Variants in REL observed in about 807,000 individuals in gnomAD.
REL encodes proto-oncogene c-Rel.
Under a neutral mutation model 45.9 loss-of-function variants are expected in REL, and 15 were observed. That is an observed-to-expected ratio of 0.33 (90% CI 0.22 to 0.50). REL has a LOEUF of 0.50. Among genes scored for constraint, REL ranks in the 20% least tolerant of loss-of-function variants. REL has a pLI of 0.98. For missense variants in REL, 601 were observed against 715.2 expected (o/e 0.84, Z 1.82); for synonymous variants, 239 against 242.1 (o/e 0.99, Z 0.12).
intron 1 of REL, 106 bp from the exon 2 acceptor site, chr2:60,891,577 A>G: frequency 9.6e-7 from 1 of 1,039,494 alleles, no homozygotes; most frequent in Non-Finnish European, 1.3e-6. Flanking sequence ...TAGGAGGAAA[A>G]AAATCTTTGT....
chr2:60,882,680 A>T lies in REL; in HGVS notation c.10+830A>T, dbSNP rs1672974771. ...ACAGAGGGAGACCCTGTCTCTATTT[A>T]AAAAAAAAAAAAATGTAGTTTTTAC... On this transcript the variant is annotated intron_variant, in intron 1 of 9. Transcript: ENST00000394479. Among the ~76,000 whole-genome samples, 8 of 136,626 alleles carry T rather than the reference A, an allele frequency of 5.9e-5. No individual in the cohort carries two copies. In the South Asian group the frequency reaches 1.1e-3, roughly 19 times the overall value. 89.6% of individuals were successfully genotyped at this position (136,626 alleles called of 152,430 possible). A position where few individuals can be genotyped will look rare whatever the true frequency, so the allele number is the denominator to read the frequency against.
At chr2:60,908,132 G>C (rs1447354367) in intron 4 of REL, among the ~76,000 whole-genome samples, 1 of 151,992 alleles carries the variant, frequency 6.6e-6, no homozygotes, top group African/African-American at 2.4e-5. Flanking sequence ...TGAAAGTTTT[G>C]TGTTATCTGT....
In REL at chr2:60,929,171, A is replaced by G. The variant is rs1309811097; in HGVS notation, c.*6636A>G. On this transcript the variant is annotated 3_prime_UTR_variant, in exon 10 of 10. Transcript: ENST00000394479. Reference sequence around the variant, plus strand: ...GCAATCATTAAAAAGTCAGGAGACAACAGGTGCTGGAGAGGATGTGGAGAA... The same window carrying G: ...GCAATCATTAAAAAGTCAGGAGACAGCAGGTGCTGGAGAGGATGTGGAGAA... The G allele has an allele frequency of 1.3e-5, 2 of 151,262 alleles. No individual in the cohort carries two copies. Among genetic ancestry groups the G allele is most frequent in the Non-Finnish European group, 3.0e-5 (2 of 67,638 alleles). The allele number at this position is 151,262 out of a possible 1,614,324, so 9.4% of individuals were successfully genotyped here.
In REL at chr2:60,931,099, A is replaced by T. The variant is rs1025720221; in HGVS notation, c.*8564A>T. The T allele has an allele frequency of 2.0e-5, 3 of 152,366 alleles. No individual in the cohort carries two copies. The highest frequency in any genetic ancestry group is 7.2e-5 in the African/African-American group (3 of 41,464). 9.4% of individuals were successfully genotyped at this position (152,366 alleles called of 1,614,324 possible). A position where few individuals can be genotyped will look rare whatever the true frequency, so the allele number is the denominator to read the frequency against. On this transcript the variant is annotated 3_prime_UTR_variant, in exon 10 of 10. Transcript: ENST00000394479. Reference sequence around the variant, plus strand: ...ATAAGGTTGGAATATTTGAGGATCCATTTGTGGAACTGAATTTAATGAGAC... The same window carrying T: ...ATAAGGTTGGAATATTTGAGGATCCTTTTGTGGAACTGAATTTAATGAGAC...
rs1422808836 is a variant in REL, at chr2:60,931,028, A to T, written c.*8493A>T. The T allele has an allele frequency of 6.6e-6, 1 of 152,352 alleles. No individual in the cohort carries two copies. The highest frequency in any genetic ancestry group is 1.5e-5 in the Non-Finnish European group (1 of 68,026). The allele number at this position is 152,352 out of a possible 1,614,324, so 9.4% of individuals were successfully genotyped here. On this transcript the variant is annotated 3_prime_UTR_variant, in exon 10 of 10. Transcript: ENST00000394479. ...TTGCCCATTTTTCCTCTTAAACTTT[A>T]TTATCTAATCAAACATAGTTTTCCA...
rs901375133 is a variant in REL at position 60,922,696 on chromosome 2, A to G, written c.*161A>G. 27 of 1,289,982 alleles carry G rather than the reference A, an allele frequency of 2.1e-5. No individual in the cohort carries two copies. The highest frequency in any genetic ancestry group is 2.6e-5 in the Non-Finnish European group (27 of 1,021,190). The allele number at this position is 1,289,982 out of a possible 1,614,324, so 79.9% of individuals were successfully genotyped here. ...AGAATATAAAAAACTTTTTTCAGGG[A>G]AGAAGCATACAACTTTGGACATAGC... On this transcript the variant is annotated 3_prime_UTR_variant, in exon 10 of 10. Transcript: ENST00000394479.
In REL at chr2:60,922,421, C is replaced by T; in HGVS notation, c.1650C>T (p.Asn550=). The T allele has an allele frequency of 6.2e-7, 1 of 1,613,996 alleles. No individual in the cohort carries two copies. The highest frequency in any genetic ancestry group is 8.5e-7 in the Non-Finnish European group (1 of 1,179,968). The change falls in exon 10 of 10, where the codon AAC becomes AAT. Residue 550 remains asparagine (N), a synonymous_variant. Coordinates refer to ENST00000394479, the MANE Select transcript of REL (RefSeq NM_001291746.2). ...TGATAAATGAGTCGGGACCATCAAA[C>T]AGTACTAATCCAAACAGTCATGGTT... The part of the protein sequence containing the change: ...NSMINESGPS[N]STNPNSHGFV...
At position 60,907,163 on chromosome 2, in the gene REL, G is replaced by A. The variant is rs528409572; in HGVS notation, c.394+6080G>A. ...TTGAACTCCTGACCTCAGGTGATCCGCCCACCTTGGCCTCCCAGAGTACTG... is the reference window on the plus strand; with the variant it reads ...TTGAACTCCTGACCTCAGGTGATCCACCCACCTTGGCCTCCCAGAGTACTG... On this transcript the variant is annotated intron_variant, in intron 4 of 9. Coordinates refer to ENST00000394479, the MANE Select transcript of REL (RefSeq NM_001291746.2). Among the ~76,000 whole-genome samples, 96 of 151,448 alleles carry A rather than the reference G, an allele frequency of 6.3e-4. 1 individual carries two copies. Among genetic ancestry groups the A allele is most frequent in the South Asian group, 1.3e-3 (6 of 4,794 alleles).
At position 60,916,886 on chromosome 2, in the gene REL, A is replaced by G. The variant is rs752623338; in HGVS notation, c.404A>G (p.Lys135Arg). The G allele has an allele frequency of 1.2e-6, 2 of 1,612,146 alleles. No homozygotes were observed. Among genetic ancestry groups the G allele is most frequent in the South Asian group, 2.2e-5 (2 of 90,552 alleles). ...AGINPFNVPE[K>R]QLNDIEDCDL... ...TTTTTTTTCTATTCAGTCCCTGAAA[A>G]ACAGCTGAATGATATTGAAGATTGT... The change falls in exon 5 of 10, where the codon AAA becomes AGA. Residue 135 changes from lysine (K) to arginine (R), a missense_variant. Lys to Arg is a conservative substitution (Grantham distance 26, BLOSUM62 2). This residue lies in a region of REL where 241 missense variants were observed against 347.0 expected (regional missense o/e 0.69). Coordinates refer to ENST00000394479, the MANE Select transcript of REL (RefSeq NM_001291746.2).
chr2:60,899,178 A>C (rs1193713415), intron 3 of REL: 2 of 152,224 alleles, frequency 1.3e-5, no homozygotes, highest in Non-Finnish European at 1.5e-5. Flanking sequence ...GATTTCAAGA[A>C]AGGATTAAGA....
chr2:60,927,432 A>C lies in REL; in HGVS notation c.*4897A>C, dbSNP rs970278984. 4.3e-6 allele frequency: 1 copy of C among 231,034 alleles called. No individual in the cohort carries two copies. The highest frequency in any genetic ancestry group is 2.2e-5 in the African/African-American group (1 of 45,192). 14.3% of individuals were successfully genotyped at this position (231,034 alleles called of 1,614,324 possible). ...TTTGAGACTGAAAGCAGCTCTATTG[A>C]GAATAGTAGTGTCAACTGTATTATG... On this transcript the variant is annotated 3_prime_UTR_variant, in exon 10 of 10. Transcript: ENST00000394479.
intron 1 of REL, among the ~76,000 whole-genome samples, chr2:60,890,680 C>T (rs535852791): frequency 6.6e-6 from 1 of 152,194 alleles, no homozygotes; most frequent in African/African-American, 2.4e-5. Flanking sequence ...GCTTTATTGA[C>T]ATATAATTTA....
intron 2 of REL, among the ~76,000 whole-genome samples, chr2:60,893,237 C>T (rs1377132320): frequency 6.6e-6 from 1 of 152,124 alleles, no homozygotes; most frequent in Non-Finnish European, 1.5e-5. Flanking sequence ...TGTTTTATAA[C>T]TAGATTATTT....
At chr2:60,912,688 A>G (rs1044185012) in intron 4 of REL, among the ~76,000 whole-genome samples, 1 of 152,146 alleles carries the variant, frequency 6.6e-6, no homozygotes, top group African/African-American at 2.4e-5. Flanking sequence ...AAACTGTTCA[A>G]TACACAGTTT....
In REL at chr2:60,929,197, A is replaced by T. The variant is rs1397177339; in HGVS notation, c.*6662A>T. ...CAGGTGCTGGAGAGGATGTGGAGAA[A>T]TAGGAACACTTTTACACTGTTGGTG... On this transcript the variant is annotated 3_prime_UTR_variant, in exon 10 of 10. Coordinates refer to ENST00000394479, the MANE Select transcript of REL (RefSeq NM_001291746.2). The T allele has an allele frequency of 6.6e-6, 1 of 150,560 alleles. No homozygotes were observed. The highest frequency in any genetic ancestry group is 1.5e-5 in the Non-Finnish European group (1 of 67,446). 9.3% of individuals were successfully genotyped at this position (150,560 alleles called of 1,614,324 possible).
rs1255578788 is a variant in REL, at chr2:60,928,316, A to C, written c.*5781A>C. 6.6e-6 allele frequency: 1 copy of C among 152,556 alleles called. No homozygotes were observed. Among genetic ancestry groups the C allele is most frequent in the Non-Finnish European group, 1.5e-5 (1 of 68,290 alleles). 9.5% of individuals were successfully genotyped at this position (152,556 alleles called of 1,614,324 possible). On this transcript the variant is annotated 3_prime_UTR_variant, in exon 10 of 10. Transcript: ENST00000394479. ...AATGCCTTTCTTCACAGAATTGGAA[A>C]AAACTACTTTAAAGTTCATATGGAA...
chr2:60,922,020 A>G lies in REL; in HGVS notation c.1249A>G (p.Ile417Val), dbSNP rs1674155668. ...NSQGIPPFLRIPVGNDLNASN... is the reference protein window; with the variant it reads ...NSQGIPPFLRVPVGNDLNASN... ...GCAAGGTATCCCACCATTCCTGAGA[A>G]TACCTGTTGGGAATGATTTAAATGC... The change falls in exon 10 of 10, where the codon ATA (isoleucine) becomes GTA (valine). Residue 417 changes from isoleucine (I) to valine (V), a missense_variant. By Grantham distance (29) the Ile-to-Val change is conservative. Coordinates refer to ENST00000394479, the MANE Select transcript of REL (RefSeq NM_001291746.2). The G allele has an allele frequency of 6.2e-7, 1 of 1,614,200 alleles. No homozygotes were observed. Among genetic ancestry groups the G allele is most frequent in the African/African-American group, 1.3e-5 (1 of 75,056 alleles).
chr2:60,912,689 TAC>T (rs1673852915), intron 4 of REL, among the ~76,000 whole-genome samples: 1 of 152,240 alleles, frequency 6.6e-6, no homozygotes, highest in Non-Finnish European at 1.5e-5. Flanking sequence ...AACTGTTCAA[TAC>T]ACAGTTTTGT....
chr2:60,887,971 A>G (rs1021501327), intron 1 of REL, among the ~76,000 whole-genome samples: 33 of 150,546 alleles, frequency 2.2e-4, no homozygotes, highest in African/African-American at 7.3e-4. Flanking sequence ...TCTGTCACCC[A>G]GGCTAGAGTG....
Sources: gnomAD v4.1 joint callset for allele counts (sites outside exome capture counted in the v4.1 genomes callset) on GRCh38, gnomAD v4.1.1 for gene constraint, gnomAD v4.1.1 regional missense constraint, MANE v1.5 for transcripts, NCBI Gene and HGNC (gene_info 2026-07-23, HGNC 2026-07-21) for gene names.